Variants in CNEP1R1 observed in about 807,000 individuals in gnomAD.
CNEP1R1 encodes CTD nuclear envelope phosphatase 1 regulatory subunit 1.
Under a neutral mutation model 22.7 loss-of-function variants are expected in CNEP1R1, and 10 were observed. That is an observed-to-expected ratio of 0.44 (90% CI 0.27 to 0.75). The LOEUF is 0.75. Among genes scored for constraint, CNEP1R1 ranks in the 30% least tolerant of loss-of-function variants. CNEP1R1 has a pLI of 0.17. For missense variants in CNEP1R1, 73 were observed against 151.5 expected, an observed-to-expected ratio of 0.48 and a Z score of 2.72; for synonymous variants, 53 against 50.1, an observed-to-expected ratio of 1.06 and a Z score of -0.25.
intron 1 of CNEP1R1, chr16:50,025,927 A>G (rs1435522404): frequency 5.5e-6 from 3 of 548,934 alleles, no homozygotes; most frequent in East Asian, 2.9e-5. Flanking sequence ...CGGCGTAGCC[A>G]TTAATTAAAT....
chr16:50,029,912 T>G, intron 3 of CNEP1R1, 114 bp downstream of exon 3: 2 of 585,030 alleles, frequency 3.4e-6, no homozygotes, highest in Non-Finnish European at 6.0e-6. Flanking sequence ...CTAGTGATAT[T>G]GTCATATTAA....
chr16:50,027,316 T>C (rs2036193620), intron 2 of CNEP1R1, among the ~76,000 whole-genome samples: 1 of 151,976 alleles, frequency 6.6e-6, no homozygotes, highest in Non-Finnish European at 1.5e-5. Context: ...GAGACCATCC[T>C]GGCTAATACG....
Position 50,025,463 on chromosome 16 carries a change from C to T in CNEP1R1, c.25+123C>T, listed in dbSNP as rs1008155505. 9 of 1,214,952 alleles carry T rather than the reference C, an allele frequency of 7.4e-6. No individual in the cohort carries two copies. In the African/African-American group the frequency reaches 1.4e-4, roughly 19 times the overall value. The allele number at this position is 1,214,952 out of a possible 1,614,324, so 75.3% of individuals were successfully genotyped here. On this transcript the variant is annotated intron_variant, in intron 1 of 5. Coordinates refer to ENST00000427478, the MANE Select transcript of CNEP1R1 (RefSeq NM_001281789.2). ...GCCGCAGAGGATGGAGCTAGGGGCC[C>T]GGAGCTTGGGGGCGCGTAGGCGGCC... is the stretch of plus-strand genomic sequence containing the variant.
intron 3 of CNEP1R1, among the ~76,000 whole-genome samples, chr16:50,032,876 G>C (rs767248140): frequency 6.6e-6 from 1 of 151,934 alleles, no homozygotes; most frequent in Non-Finnish European, 1.5e-5. Flanking sequence ...GTGGTGGTGG[G>C]CGCCTGTAAT....
At chr16:50,025,502 C>T (rs1347179340) in intron 1 of CNEP1R1, 162 bp downstream of exon 1, 7 of 1,078,108 alleles carry the variant, frequency 6.5e-6, no homozygotes, top group South Asian at 3.1e-5. Flanking sequence ...CCTGGCCAGA[C>T]GCGGGGGGCG....
chr16:50,026,792 C>T lies in CNEP1R1; in HGVS notation c.97+325C>T, dbSNP rs546004507. The T allele has an allele frequency of 3.2e-5, 7 of 218,936 alleles. No homozygotes were observed. In the East Asian group the frequency reaches 6.1e-4, roughly 19 times the overall value. 13.6% of individuals were successfully genotyped at this position (218,936 alleles called of 1,614,324 possible). The stretch of plus-strand genomic sequence containing the variant: ...AAGTTCAAGACTAGCGTGGCCAACA[C>T]GGTGAAACGCCGTCTCTACTAAAAA... On this transcript the variant is annotated intron_variant, in intron 2 of 5. Transcript: ENST00000427478.
rs1241202329 is a variant in CNEP1R1, at chr16:50,036,454, A to T, written c.*996A>T. On this transcript the variant is annotated 3_prime_UTR_variant, in exon 6 of 6. Coordinates refer to ENST00000427478, the MANE Select transcript of CNEP1R1 (RefSeq NM_001281789.2). ...GTGCCTGGCCTCTTTAATAATTTTT[A>T]AAATACCCTAAAGGCTTGTGAATAT... The T allele has an allele frequency of 6.6e-6, 1 of 152,172 alleles. No homozygotes were observed. Among genetic ancestry groups the T allele is most frequent in the Non-Finnish European group, 1.5e-5 (1 of 68,016 alleles). The allele number at this position is 152,172 out of a possible 1,614,324, so 9.4% of individuals were successfully genotyped here. A position where few individuals can be genotyped will look rare whatever the true frequency, so the allele number is the denominator to read the frequency against.
At position 50,036,484 on chromosome 16, in the gene CNEP1R1, G is replaced by C. The variant is rs760175895; in HGVS notation, c.*1026G>C. ...ACCCTAAAGGCTTGTGAATATACAAGTCTACTGATAAATTATGTATTGTCT... is the reference window on the plus strand; with the variant it reads ...ACCCTAAAGGCTTGTGAATATACAACTCTACTGATAAATTATGTATTGTCT... On this transcript the variant is annotated 3_prime_UTR_variant, in exon 6 of 6. Transcript: ENST00000427478. 1 of 152,116 alleles carries C rather than the reference G, an allele frequency of 6.6e-6. No individual in the cohort carries two copies. The highest frequency in any genetic ancestry group is 1.5e-5 in the Non-Finnish European group (1 of 68,030). 9.4% of individuals were successfully genotyped at this position (152,116 alleles called of 1,614,324 possible).
At chr16:50,026,628 C>T (rs2036186190) in intron 2 of CNEP1R1, 161 bp downstream of exon 2, 1 of 615,594 alleles carries the variant, frequency 1.6e-6, no homozygotes, top group South Asian at 2.1e-5. Flanking sequence ...TATAACTGGC[C>T]TTCTCAAAAG....
chr16:50,032,861 C>T (rs183476973), intron 3 of CNEP1R1, among the ~76,000 whole-genome samples: 31 of 151,876 alleles, frequency 2.0e-4, no homozygotes, highest in African/African-American at 7.2e-4. Flanking sequence ...AAAAATTAGC[C>T]GGGTGTGGTG....
intron 2 of CNEP1R1, among the ~76,000 whole-genome samples, chr16:50,027,591 A>T (rs1330543263): frequency 6.6e-6 from 1 of 151,352 alleles, no homozygotes; most frequent in Non-Finnish European, 1.5e-5. Flanking sequence ...TGAGCCCAGG[A>T]GGTCGAGGCT....
At chr16:50,032,996 ACT>A (rs1343494361) in intron 3 of CNEP1R1, among the ~76,000 whole-genome samples, 1 of 149,374 alleles carries the variant, frequency 6.7e-6, no homozygotes, top group Non-Finnish European at 1.5e-5. Context: ...CAAGAGTGAA[ACT>A]CTGTCTCAAA....
rs920085541 is a variant in CNEP1R1, at chr16:50,036,415, A to T, written c.*957A>T. Reference sequence around the variant, plus strand: ...CATCCTCCCAAAATGCTGGGATTACAGGCATAAGCCACCGTGCCTGGCCTC... The same window carrying T: ...CATCCTCCCAAAATGCTGGGATTACTGGCATAAGCCACCGTGCCTGGCCTC... On this transcript the variant is annotated 3_prime_UTR_variant, in exon 6 of 6. Transcript: ENST00000427478. 1.3e-5 allele frequency: 2 copies of T among 152,170 alleles called. No homozygotes were observed. The highest frequency in any genetic ancestry group is 2.9e-5 in the Non-Finnish European group (2 of 68,054). The allele number at this position is 152,170 out of a possible 1,614,324, so 9.4% of individuals were successfully genotyped here. A position where few individuals can be genotyped will look rare whatever the true frequency, so the allele number is the denominator to read the frequency against.
At position 50,031,836 on chromosome 16, in the gene CNEP1R1, C is replaced by T. The variant is rs374118581; in HGVS notation, c.172-1561C>T. ...ACCTGACTGCCTGGCCTGGAGAGAA[C>T]TGCTGTTTCAATGCATTGGAGTGTT... On this transcript the variant is annotated intron_variant, in intron 3 of 5. Coordinates refer to ENST00000427478, the MANE Select transcript of CNEP1R1 (RefSeq NM_001281789.2). Among the ~76,000 whole-genome samples, 9 of 152,252 alleles carry T rather than the reference C, an allele frequency of 5.9e-5. No individual in the cohort carries two copies. The East Asian group carries it at 1.4e-3, about 23-fold the overall frequency.
rs2036282287 is a variant in CNEP1R1 at position 50,036,677 on chromosome 16, A to G, written c.*1219A>G. ...CAATTCTCACTGTTTAGAGAGTGTT[A>G]ATGACATACTGTGTATGCATAATAG... On this transcript the variant is annotated 3_prime_UTR_variant, in exon 6 of 6. Transcript: ENST00000427478. 6.6e-6 allele frequency: 1 copy of G among 152,622 alleles called. No individual in the cohort carries two copies. The highest frequency in any genetic ancestry group is 1.5e-5 in the Non-Finnish European group (1 of 68,044). 9.5% of individuals were successfully genotyped at this position (152,622 alleles called of 1,614,324 possible). A position where few individuals can be genotyped will look rare whatever the true frequency, so the allele number is the denominator to read the frequency against.
At chr16:50,031,958 C>CTGGCTTATGAGAAA (rs1280510905) in intron 3 of CNEP1R1, among the ~76,000 whole-genome samples, 1 of 152,202 alleles carries the variant, frequency 6.6e-6, no homozygotes, top group Admixed American at 6.5e-5. Context: ...CACAACAGAG[C>CTGGCTTATGAGAAA]TGGCTTATGA....
At position 50,026,479 on chromosome 16, in the gene CNEP1R1, A is replaced by G; in HGVS notation, c.97+12A>G. The G allele has an allele frequency of 6.3e-7, 1 of 1,589,646 alleles. No homozygotes were observed. Among genetic ancestry groups the G allele is most frequent in the East Asian group, 2.2e-5 (1 of 44,642 alleles). On this transcript the variant is annotated intron_variant, in intron 2 of 5. Transcript: ENST00000427478. The stretch of plus-strand genomic sequence containing the variant: ...TGGACGCTGGAGAAGTAAGTTCCTG[A>G]ATGTTATTTTAAGGGAAAACTAACA...
chr16:50,032,153 G>A (rs1019078079), intron 3 of CNEP1R1, among the ~76,000 whole-genome samples: 1 of 152,100 alleles, frequency 6.6e-6, no homozygotes, highest in East Asian at 1.9e-4. Context: ...ACGTGCCTGC[G>A]CGTCTCCTGC....
intron 1 of CNEP1R1, chr16:50,025,840 A>C: frequency 1.5e-6 from 1 of 685,458 alleles, no homozygotes; most frequent in Non-Finnish European, 2.6e-6. Flanking sequence ...GATCACCTGT[A>C]CCCCTTCGGA....
Sources: allele counts gnomAD v4.1 joint callset (sites outside exome capture counted in the v4.1 genomes callset), GRCh38; gene constraint gnomAD v4.1.1; transcripts MANE v1.5; gene names NCBI Gene and HGNC (gene_info 2026-07-23, HGNC 2026-07-21).